SV2C: variants seen among roughly 807,000 people sequenced by gnomAD.
SV2C encodes the protein solute carrier family 22 member B3.
SV2C carries 49 observed loss-of-function variants against 79.7 expected under a neutral mutation model. The observed-to-expected ratio is 0.61, with a 90% CI of 0.49 to 0.78. SV2C has a LOEUF of 0.78. Ranked by LOEUF, SV2C falls within the 30% of genes least tolerant of loss-of-function variation. The probability of loss-of-function intolerance (pLI) is 0.00; values close to 1 mark genes in which losing one functional copy is unlikely to be tolerated. For synonymous variants in SV2C, 334 were observed against 333.2 expected, an observed-to-expected ratio of 1.00 and a Z score of -0.03; for missense variants, 833 against 912.9, an observed-to-expected ratio of 0.91 and a Z score of 1.13.
chr5:75,891,065 G>C, the SV2C span, among the ~76,000 whole-genome samples: 1 of 152,072 alleles, frequency 6.6e-6, no homozygotes, highest in Non-Finnish European at 1.5e-5. Flanking sequence ...ACACCATGTA[G>C]TTGACTGAAT....
At chr5:76,236,512 A>T (rs1307334780) in intron 4 of SV2C, among the ~76,000 whole-genome samples, 1 of 152,112 alleles carries the variant, frequency 6.6e-6, no homozygotes. Context: ...CAATGATCCA[A>T]GATCGCATCA....
At chr5:76,001,780 C>G in the SV2C span, among the ~76,000 whole-genome samples, 2 of 152,076 alleles carry the variant, frequency 1.3e-5, no homozygotes, top group Non-Finnish European at 2.9e-5. Flanking sequence ...GCACCATTCC[C>G]CCAGCCCAGT....
intron 4 of SV2C, among the ~76,000 whole-genome samples, chr5:76,226,871 G>A (rs565913013): frequency 6.6e-6 from 1 of 152,200 alleles, no homozygotes; most frequent in African/African-American, 2.4e-5. Context: ...AGAAAGGCAG[G>A]TGGGATGCCC....
the SV2C span, among the ~76,000 whole-genome samples, chr5:76,046,891 C>A: frequency 6.6e-6 from 1 of 152,178 alleles, no homozygotes; most frequent in South Asian, 2.1e-4. Context: ...TGGCTTCACC[C>A]ATTACGGAAA....
chr5:76,110,654 G>A (rs1240823587), intron 1 of SV2C, among the ~76,000 whole-genome samples: 1 of 152,228 alleles, frequency 6.6e-6, no homozygotes, highest in Non-Finnish European at 1.5e-5. Context: ...TGAGTTCTGG[G>A]CACAGGAGCC....
chr5:76,079,057 C>T (rs188435731), upstream of SV2C: 177 of 395,670 alleles, frequency 4.5e-4, no homozygotes, highest in African/African-American at 3.3e-3. Context: ...CACCGATGGG[C>T]GCCTGGTTGA....
At chr5:75,919,428 A>C in the SV2C span, among the ~76,000 whole-genome samples, 2 of 152,236 alleles carry the variant, frequency 1.3e-5, no homozygotes, top group African/African-American at 4.8e-5. Context: ...TGTCTTCATC[A>C]ATATAACTTT....
At chr5:76,248,247 A>T (rs1366888198) in intron 4 of SV2C, among the ~76,000 whole-genome samples, 3 of 152,226 alleles carry the variant, frequency 2.0e-5, no homozygotes, top group African/African-American at 7.2e-5. Context: ...GGGTGGCTTC[A>T]ACTGCAGAAA....
intron 1 of SV2C, among the ~76,000 whole-genome samples, chr5:76,107,897 A>G (rs1451975619): frequency 6.6e-6 from 1 of 152,176 alleles, no homozygotes; most frequent in Non-Finnish European, 1.5e-5. Context: ...TATTTTCATG[A>G]GGTTTTGTTA....
chr5:75,883,301 G>A, the SV2C span, among the ~76,000 whole-genome samples: 27 of 141,738 alleles, frequency 1.9e-4, no homozygotes, highest in East Asian at 5.4e-3. Flanking sequence ...CAGGGATCTA[G>A]AACTAGAAAT....
At chr5:76,198,204 T>G (rs34658750) in intron 3 of SV2C, among the ~76,000 whole-genome samples, 31,099 of 152,072 alleles carry the variant, frequency 0.2, 3,278 homozygotes, top group African/African-American at 0.22. Context: ...TAGTTTGGAT[T>G]TTTGACCTTT....
chr5:75,911,598 A>C, the SV2C span: 7 of 688,274 alleles, frequency 1.0e-5, no homozygotes, highest in Non-Finnish European at 1.9e-5. Flanking sequence ...AAAAGAAGCC[A>C]GTAAGAACTC....
intron 2 of SV2C, among the ~76,000 whole-genome samples, chr5:76,160,671 T>C (rs1000761792): frequency 9.2e-5 from 14 of 152,298 alleles, no homozygotes; most frequent in African/African-American, 3.1e-4. Context: ...ATCCAGAATA[T>C]GTAAAGAGCT....
chr5:76,007,033 C>T, the SV2C span, among the ~76,000 whole-genome samples: 1 of 152,108 alleles, frequency 6.6e-6, no homozygotes, highest in African/African-American at 2.4e-5. Flanking sequence ...AAATTATTCC[C>T]ATTTCACACA....
intron 4 of SV2C, among the ~76,000 whole-genome samples, chr5:76,232,053 A>C (rs1233657223): frequency 6.8e-6 from 1 of 147,942 alleles, no homozygotes; most frequent in Non-Finnish European, 1.5e-5. Context: ...CAGTCCCACC[A>C]ACAGTGTAAA....
chr5:76,241,566 A>G (rs1233691618), intron 4 of SV2C, among the ~76,000 whole-genome samples: 2 of 152,134 alleles, frequency 1.3e-5, no homozygotes, highest in Non-Finnish European at 2.9e-5. Context: ...GCATCACTGG[A>G]AAGTCCAGAT....
Position 76,131,811 on chromosome 5 carries a change from G to A in SV2C, c.61G>A (p.Glu21Lys), listed in dbSNP as rs1227669714. Residue 21 changes from glutamate to lysine, a missense_variant, in exon 2 of 13, where the codon GAG becomes AAG. By Grantham distance (56) the Glu-to-Lys change is moderately conservative (BLOSUM62 1). Coordinates refer to ENST00000502798, the MANE Select transcript of SV2C (RefSeq NM_014979.4). ...GAAGGGTGCCAAGGACATTGCCAGA[G>A]AGGTGAAGAAACAAACAGTAAAGAA... is the stretch of plus-strand genomic sequence containing the variant. Reference protein sequence around the residue: ...LMKGAKDIAREVKKQTVKKVN... With the variant: ...LMKGAKDIARKVKKQTVKKVN... The A allele has an allele frequency of 6.2e-7, 1 of 1,614,078 alleles. No individual in the cohort carries two copies. The highest frequency in any genetic ancestry group is 1.7e-4 in the Middle Eastern group (1 of 6,058).
At chr5:75,919,921 G>T in the SV2C span, among the ~76,000 whole-genome samples, 1 of 152,190 alleles carries the variant, frequency 6.6e-6, no homozygotes, top group Admixed American at 6.5e-5. Flanking sequence ...ATAAGTTTTG[G>T]TTAACTGCTG....
At chr5:75,968,452 T>G in the SV2C span, among the ~76,000 whole-genome samples, 3 of 151,958 alleles carry the variant, frequency 2.0e-5, no homozygotes, top group East Asian at 5.8e-4. Context: ...AATGGACGAC[T>G]AGAAAAACCA....
Sources: allele counts gnomAD v4.1 joint callset (sites outside exome capture counted in the v4.1 genomes callset), GRCh38; gene constraint gnomAD v4.1.1; transcripts MANE v1.5; gene names NCBI Gene and HGNC (gene_info 2026-07-23, HGNC 2026-07-21).